TRIOBP: variants seen among roughly 807,000 people sequenced by gnomAD.
TRIOBP encodes the protein TRIO and F-actin binding protein.
TRIOBP carries 169 observed loss-of-function variants against 238.8 expected under a neutral mutation model. That is an observed-to-expected ratio of 0.71 (90% CI 0.62 to 0.80). The LOEUF (loss-of-function observed/expected upper bound fraction) is 0.80, where lower values mean the gene tolerates loss of function less well. Ranked by LOEUF, TRIOBP falls within the 30% of genes least tolerant of loss-of-function variation. The pLI is 0.00. For missense variants in TRIOBP, 2,838 were observed against 3,122.6 expected, an observed-to-expected ratio of 0.91 and a Z score of 2.17; for synonymous variants, 1,150 against 1,274.4, an observed-to-expected ratio of 0.90 and a Z score of 2.08.
At chr22:37,710,618 A>C (rs770531283) in intron 4 of TRIOBP, 52 bp downstream of exon 4, 1 of 1,574,936 alleles carries the variant, frequency 6.3e-7, no homozygotes, top group Non-Finnish European at 8.6e-7. Context: ...GAATGCCCTC[A>C]CCCTTCCCAT....
chr22:37,711,609 CAAAA>C (rs1194726816), intron 4 of TRIOBP, among the ~76,000 whole-genome samples: 6 of 128,204 alleles, frequency 4.7e-5, no homozygotes, highest in African/African-American at 1.2e-4. Flanking sequence ...AAAAAAAAAA[CAAAA>C]AAAAACCCAC....
chr22:37,698,224 A>AAAG (rs1922456046), intron 2 of TRIOBP, among the ~76,000 whole-genome samples: 1 of 149,124 alleles, frequency 6.7e-6, no homozygotes, highest in African/African-American at 2.5e-5. Context: ...AAAAAGAAAG[A>AAAG]AAGACACCAG....
chr22:37,740,338 A>C (rs1451554142), intron 10 of TRIOBP, among the ~76,000 whole-genome samples: 1 of 152,186 alleles, frequency 6.6e-6, no homozygotes, highest in African/African-American at 2.4e-5. Flanking sequence ...TCTGCTAGGA[A>C]TGTGTGTAGA....
At chr22:37,716,419 T>TTAG (rs1439358179) in intron 6 of TRIOBP, among the ~76,000 whole-genome samples, 1 of 144,884 alleles carries the variant, frequency 6.9e-6, no homozygotes, top group African/African-American at 2.5e-5. Context: ...TAGCCTGTTA[T>TTAG]TATTATTATT....
At chr22:37,712,713 T>A (rs552212927) in intron 4 of TRIOBP, among the ~76,000 whole-genome samples, 1 of 151,512 alleles carries the variant, frequency 6.6e-6, no homozygotes, top group Non-Finnish European at 1.5e-5. Context: ...TCCCAGCACT[T>A]TGGGAGTCCG....
intron 15 of TRIOBP, 145 bp from the exon 16 acceptor site, chr22:37,757,468 G>A: frequency 7.1e-6 from 8 of 1,125,098 alleles, no homozygotes; most frequent in South Asian, 1.3e-5. Flanking sequence ...TGTTAACCAG[G>A]AAGCTCAGGT....
At chr22:37,757,326 C>T (rs571213222) in intron 15 of TRIOBP, among the ~76,000 whole-genome samples, 1 of 152,164 alleles carries the variant, frequency 6.6e-6, no homozygotes, top group Non-Finnish European at 1.5e-5. Flanking sequence ...TCACACCACT[C>T]TACTTCAGCC....
chr22:37,719,049 T>C (rs561993053), intron 6 of TRIOBP, among the ~76,000 whole-genome samples: 87 of 150,880 alleles, frequency 5.8e-4, no homozygotes, highest in African/African-American at 2.1e-3. Flanking sequence ...GGTTTCACCA[T>C]GTTGAGCCTG....
At chr22:37,747,389 G>GGT (rs1361796928) in intron 11 of TRIOBP, among the ~76,000 whole-genome samples, 8 of 152,164 alleles carry the variant, frequency 5.3e-5, no homozygotes, top group East Asian at 3.9e-4. Context: ...GGATGAGCAG[G>GGT]GTGTGTGTGT....
intron 11 of TRIOBP, among the ~76,000 whole-genome samples, chr22:37,746,586 C>G (rs527805439): frequency 1.3e-5 from 2 of 152,368 alleles, no homozygotes; most frequent in East Asian, 3.9e-4. Context: ...TCGGCCAGAC[C>G]GGCCTCACCC....
At chr22:37,697,552 G>T (rs1009219411) in intron 1 of TRIOBP, 36 bp from the exon 2 acceptor site, 1 of 152,250 alleles carries the variant, frequency 6.6e-6, no homozygotes, top group Non-Finnish European at 1.5e-5. Flanking sequence ...TCCCCACCGT[G>T]CCTTGCTGTC....
At chr22:37,771,775 T>A in intron 22 of TRIOBP, 39 bp downstream of exon 22, 1 of 1,585,812 alleles carries the variant, frequency 6.3e-7, no homozygotes, top group East Asian at 2.2e-5. Flanking sequence ...TCGGGGACTC[T>A]GGAGCCATCT....
At chr22:37,733,452 G>T in intron 8 of TRIOBP, 40 bp downstream of exon 8, 1 of 1,463,482 alleles carries the variant, frequency 6.8e-7, no homozygotes, top group Non-Finnish European at 9.4e-7. Context: ...CACCCCAAGG[G>T]GCGGCCACTG....
intron 7 of TRIOBP, among the ~76,000 whole-genome samples, chr22:37,726,925 A>G (rs923500979): frequency 1.0e-4 from 14 of 135,622 alleles, no homozygotes; most frequent in Non-Finnish European, 2.1e-4. Flanking sequence ...TTTTTTTTTG[A>G]GGTGGAGTTT....
intron 3 of TRIOBP, 32 bp from the exon 4 acceptor site, chr22:37,710,395 T>G: frequency 1.2e-6 from 2 of 1,611,998 alleles, no homozygotes; most frequent in Non-Finnish European, 8.5e-7. Context: ...ACGTGGGCGC[T>G]GAGCTGTCTC....
At chr22:37,699,403 C>T (rs1922528504) in intron 2 of TRIOBP, among the ~76,000 whole-genome samples, 1 of 152,028 alleles carries the variant, frequency 6.6e-6, no homozygotes, top group African/African-American at 2.4e-5. Flanking sequence ...GGATTTGAAT[C>T]AGCCACTGCG....
rs1569058469 is a variant in TRIOBP, at chr22:37,758,120, CGAG to C, written c.6197_6199del (p.Glu2066del). The C allele has an allele frequency of 6.2e-7, 1 of 1,610,942 alleles. No individual in the cohort carries two copies. Among genetic ancestry groups the C allele is most frequent in the East Asian group, 2.2e-5 (1 of 44,880 alleles). On this transcript the variant is annotated inframe_deletion, in exon 16 of 24. Transcript: ENST00000644935. ...GCCGAGGGCCCCCAAGTGACGGCCACGAGGCACTGGAGAAGGAGGTAGGCACCA... is the reference window on the plus strand; with the variant it reads ...GCCGAGGGCCCCCAAGTGACGGCCACGCACTGGAGAAGGAGGTAGGCACCA...
At chr22:37,719,989 C>CACACTGCACTCACTGTTTCACTCATCT (rs367687004) in intron 6 of TRIOBP, among the ~76,000 whole-genome samples, 7 of 71,206 alleles carry the variant, frequency 9.8e-5, no homozygotes, top group Admixed American at 1.7e-4. Flanking sequence ...TTTCACTCAT[C>CACACTGCACTCACTGTTTCACTCATCT]CCCCCCCGCC....
rs765268022 is a variant in TRIOBP, at chr22:37,725,968, G to T, written c.3412G>T (p.Asp1138Tyr). 2.1e-5 allele frequency: 34 copies of T among 1,605,524 alleles called. No individual in the cohort carries two copies. Among genetic ancestry groups the T allele is most frequent in the Admixed American group, 5.1e-5 (3 of 59,170 alleles). Residue 1138 changes from aspartate to tyrosine, a missense_variant, in exon 7 of 24, where the codon GAC becomes TAC. Transcript: ENST00000644935. Reference protein sequence around the residue: ...QAPEPSLLFQDLPRASTESLV... With the variant: ...QAPEPSLLFQYLPRASTESLV... ...CCCAGAGCCTTCCCTCTTATTCCAG[G>T]ACCTCCCCAGGGCCAGCACAGAGAG...
Sources: allele counts gnomAD v4.1 joint callset (sites outside exome capture counted in the v4.1 genomes callset), GRCh38; gene constraint gnomAD v4.1.1; transcripts MANE v1.5; gene names NCBI Gene and HGNC (gene_info 2026-07-23, HGNC 2026-07-21).